The following NECAB1 variants were observed in gnomAD, a reference collection of about 807,000 sequenced individuals.
The protein encoded by NECAB1 is N-terminal EF-hand calcium-binding protein 1.
A neutral mutation model predicts 57.5 loss-of-function variants in NECAB1; 29 were observed. The observed-to-expected ratio is 0.50, with a 90% CI of 0.38 to 0.69. The LOEUF is 0.69. Ranked by LOEUF, NECAB1 falls within the 30% of genes least tolerant of loss-of-function variation. The pLI is 0.00. For missense variants in NECAB1, 372 were observed against 413.8 expected, an observed-to-expected ratio of 0.90 and a Z score of 0.88; for synonymous variants, 142 against 147.7, an observed-to-expected ratio of 0.96 and a Z score of 0.28.
chr8:90,836,321 T>C (rs1192049873), intron 3 of NECAB1, among the ~76,000 whole-genome samples: 2 of 152,144 alleles, frequency 1.3e-5, no homozygotes, highest in African/African-American at 4.8e-5. Context: ...CTGGGAAAAA[T>C]AGACTAAATA....
chr8:90,867,076 G>A (rs1234996272), intron 3 of NECAB1, among the ~76,000 whole-genome samples: 2 of 152,150 alleles, frequency 1.3e-5, no homozygotes, highest in African/African-American at 4.8e-5. Context: ...TAAGCCTTCT[G>A]CAACAGTGTT....
chr8:90,826,080 C>T (rs1361258610), intron 3 of NECAB1, among the ~76,000 whole-genome samples: 1 of 151,588 alleles, frequency 6.6e-6, no homozygotes, highest in Non-Finnish European at 1.5e-5. Context: ...GGATCTGAGT[C>T]ATTATGAGAG....
intron 5 of NECAB1, among the ~76,000 whole-genome samples, chr8:90,892,288 G>C (rs960140310): frequency 6.6e-6 from 1 of 152,078 alleles, no homozygotes; most frequent in African/African-American, 2.4e-5. Flanking sequence ...TTGTGGGAGA[G>C]AAATGTCCCT....
chr8:90,838,075 G>GA (rs915350269), intron 3 of NECAB1, among the ~76,000 whole-genome samples: 1 of 151,936 alleles, frequency 6.6e-6, no homozygotes, highest in Non-Finnish European at 1.5e-5. Flanking sequence ...ATATTCCAAT[G>GA]AAAAAATAAG....
In NECAB1 at chr8:90,823,528, C is replaced by T. The variant is rs115336871; in HGVS notation, c.125-1189C>T. Among the ~76,000 whole-genome samples the T allele has an allele frequency of 2.4e-3, 366 of 151,764 alleles. 4 individuals carry two copies. The highest frequency in any genetic ancestry group is 8.1e-3 in the African/African-American group (334 of 41,472). On this transcript the variant is annotated intron_variant, in intron 2 of 12. Coordinates refer to ENST00000417640, the MANE Select transcript of NECAB1 (RefSeq NM_022351.5). ...CCATGCCCTCTGTGAGATTCTAATT[C>T]GCTTGTGGGGCCTAGGAATCTGCAT...
At chr8:90,854,484 C>G (rs1018242449) in intron 3 of NECAB1, among the ~76,000 whole-genome samples, 1 of 152,012 alleles carries the variant, frequency 6.6e-6, no homozygotes, top group Non-Finnish European at 1.5e-5. Flanking sequence ...CGTAGATGAC[C>G]CAACTTTAAA....
At chr8:90,885,895 T>C (rs1001747135) in intron 5 of NECAB1, among the ~76,000 whole-genome samples, 11 of 152,184 alleles carry the variant, frequency 7.2e-5, no homozygotes, top group Admixed American at 5.2e-4. Context: ...TTCAGTTTTG[T>C]TTTTGACAAA....
chr8:90,840,995 C>T (rs1029999156), intron 3 of NECAB1, among the ~76,000 whole-genome samples: 1 of 150,608 alleles, frequency 6.6e-6, no homozygotes. Context: ...CAGTGGCTCA[C>T]GCCTGTAATC....
intron 2 of NECAB1, among the ~76,000 whole-genome samples, chr8:90,804,909 T>C (rs367562794): frequency 6.6e-5 from 10 of 152,310 alleles, no homozygotes; most frequent in African/African-American, 2.4e-4. Flanking sequence ...GGACTATCCA[T>C]AAAGTTACCA....
chr8:90,889,486 G>A (rs1208018949), intron 5 of NECAB1, among the ~76,000 whole-genome samples: 1 of 152,206 alleles, frequency 6.6e-6, no homozygotes, highest in Non-Finnish European at 1.5e-5. Flanking sequence ...GGATTTGTTA[G>A]TTGTAATCGT....
chr8:90,946,275 T>C (rs1810802981), intron 10 of NECAB1, among the ~76,000 whole-genome samples: 1 of 152,240 alleles, frequency 6.6e-6, no homozygotes. Flanking sequence ...CATCTGCTTC[T>C]TGTCAGTCAC....
At chr8:90,848,636 A>C (rs1812614794) in intron 3 of NECAB1, among the ~76,000 whole-genome samples, 1 of 152,196 alleles carries the variant, frequency 6.6e-6, no homozygotes, top group Admixed American at 6.5e-5. Context: ...GAGCAAAGGC[A>C]CTTCTTACAT....
intron 6 of NECAB1, among the ~76,000 whole-genome samples, chr8:90,924,681 C>T (rs1428676773): frequency 1.3e-5 from 2 of 152,026 alleles, no homozygotes; most frequent in East Asian, 3.8e-4. Context: ...GTTGGCGATC[C>T]AGCTACCATG....
intron 10 of NECAB1, among the ~76,000 whole-genome samples, chr8:90,943,353 T>C (rs944175686): frequency 6.6e-6 from 1 of 152,214 alleles, no homozygotes; most frequent in African/African-American, 2.4e-5. Context: ...TCACTTCTTA[T>C]TGCTGATTTT....
rs1563528252 is a variant in NECAB1 at position 90,906,889 on chromosome 8, A to ATATATATATATATATGTATGTATG, written c.358-10588_358-10587insGTATGTATGTATATATATATATAT. On this transcript the variant is annotated intron_variant, in intron 5 of 12. Coordinates refer to ENST00000417640, the MANE Select transcript of NECAB1 (RefSeq NM_022351.5). Reference sequence around the variant, plus strand: ...ATATGATATACACATATATATATATATATATATATATATATATATATCTTC... The same window carrying ATATATATATATATATGTATGTATG: ...ATATGATATACACATATATATATATATATATATATATATATGTATGTATGTATATATATATATATATATATCTTC... Among the ~76,000 whole-genome samples the ATATATATATATATATGTATGTATG allele has an allele frequency of 0.019, 1,377 of 72,834 alleles. 58 individuals carry two copies. The East Asian group carries it at 0.29, about 15-fold the overall frequency. 47.8% of individuals were successfully genotyped at this position (72,834 alleles called of 152,430 possible).
At chr8:90,796,237 T>C (rs1811659472) in intron 1 of NECAB1, among the ~76,000 whole-genome samples, 1 of 152,086 alleles carries the variant, frequency 6.6e-6, no homozygotes, top group African/African-American at 2.4e-5. Context: ...GAGACTCCCA[T>C]CTGACCCCAG....
chr8:90,829,072 A>G (rs1161199598), intron 3 of NECAB1, among the ~76,000 whole-genome samples: 1 of 151,990 alleles, frequency 6.6e-6, no homozygotes, highest in Non-Finnish European at 1.5e-5. Context: ...CATTGTAGTG[A>G]GCCTTATTGC....
intron 3 of NECAB1, among the ~76,000 whole-genome samples, chr8:90,860,234 T>G (rs1812874945): frequency 8.1e-6 from 1 of 123,286 alleles, no homozygotes. Flanking sequence ...TGTTTCTTTT[T>G]TTTCTTTTTT....
chr8:90,834,218 T>C (rs1202032284), intron 3 of NECAB1, among the ~76,000 whole-genome samples: 1 of 145,256 alleles, frequency 6.9e-6, no homozygotes, highest in African/African-American at 2.5e-5. Context: ...TAAATGTAGA[T>C]TACAAATAAC....
Sources: gnomAD v4.1 joint callset for allele counts (sites outside exome capture counted in the v4.1 genomes callset) on GRCh38, gnomAD v4.1.1 for gene constraint, MANE v1.5 for transcripts, NCBI Gene and HGNC (gene_info 2026-07-23, HGNC 2026-07-21) for gene names.